The following UEVLD variants were observed in gnomAD, a reference collection of about 807,000 sequenced individuals.
UEVLD encodes the protein ubiquitin-conjugating enzyme E2 variant 3.
In UEVLD, 47 loss-of-function variants were observed where a neutral mutation model predicts 58.6. The observed-to-expected ratio is 0.80, with a 90% confidence interval of 0.63 to 1.02. The LOEUF (loss-of-function observed/expected upper bound fraction) is 1.02, where lower values mean the gene tolerates loss of function less well. UEVLD is among the 50% of genes least tolerant of loss of function. The pLI, the probability that UEVLD is intolerant of heterozygous loss-of-function variation, is 0.00. For synonymous variants in UEVLD, 197 were observed against 195.3 expected, an observed-to-expected ratio of 1.01 and a Z score of -0.07; for missense variants, 510 against 550.6, an observed-to-expected ratio of 0.93 and a Z score of 0.74.
intron 6 of UEVLD, among the ~76,000 whole-genome samples, chr11:18,559,339 C>T (rs965277713): frequency 2.6e-5 from 4 of 152,118 alleles, no homozygotes; most frequent in Non-Finnish European, 5.9e-5. Flanking sequence ...GCTGGGATTA[C>T]AGGCGTGCAC....
At chr11:18,574,083 A>C (rs1291361626) in intron 3 of UEVLD, among the ~76,000 whole-genome samples, 1 of 152,222 alleles carries the variant, frequency 6.6e-6, no homozygotes, top group Non-Finnish European at 1.5e-5. Flanking sequence ...CTTTAAGCAC[A>C]TAACTGTATA....
chr11:18,532,579 C>A, intron 11 of UEVLD, 92 bp from the exon 12 acceptor site: 2 of 1,101,074 alleles, frequency 1.8e-6, no homozygotes, highest in Non-Finnish European at 2.4e-6. Flanking sequence ...TTAACTAGGA[C>A]AAAGTGATAC....
At chr11:18,553,302 T>C (rs1395341047) in intron 7 of UEVLD, among the ~76,000 whole-genome samples, 3 of 148,268 alleles carry the variant, frequency 2.0e-5, no homozygotes, top group Non-Finnish European at 4.5e-5. Context: ...CTCCAGCCTG[T>C]GCATCAGAGC....
chr11:18,577,223 A>G (rs1304842997), intron 2 of UEVLD, among the ~76,000 whole-genome samples: 4 of 152,212 alleles, frequency 2.6e-5, no homozygotes, highest in Non-Finnish European at 5.9e-5. Context: ...TCTCCCGCAA[A>G]AACAAACCAA....
In UEVLD at chr11:18,551,766, A is replaced by G. The variant is rs1851540345; in HGVS notation, c.716-4716T>C. Among the ~76,000 whole-genome samples the G allele has an allele frequency of 2.0e-5, 3 of 152,336 alleles. No homozygotes were observed. In the South Asian group the frequency reaches 6.2e-4, roughly 32 times the overall value. Reference sequence around the variant, plus strand: ...TTCTATAGGTAGCCCAGAAAAAACTATATCCTTCCTGCTAAGCCAAGGTCT... The same window carrying G: ...TTCTATAGGTAGCCCAGAAAAAACTGTATCCTTCCTGCTAAGCCAAGGTCT... On this transcript the variant is annotated intron_variant, in intron 7 of 11. Coordinates refer to ENST00000396197, the MANE Select transcript of UEVLD (RefSeq NM_001040697.4).
intron 1 of UEVLD, among the ~76,000 whole-genome samples, chr11:18,585,773 G>A (rs943355601): frequency 1.3e-5 from 2 of 152,036 alleles, no homozygotes; most frequent in Admixed American, 6.6e-5. Flanking sequence ...AAGTAGCTGG[G>A]GTTACAGGTG....
intron 1 of UEVLD, among the ~76,000 whole-genome samples, chr11:18,585,567 A>G (rs895606135): frequency 6.6e-6 from 1 of 151,906 alleles, no homozygotes; most frequent in Admixed American, 6.6e-5. Flanking sequence ...ACTAAATTTT[A>G]CTTGCCGTAG....
At chr11:18,553,063 A>G (rs184157579) in intron 7 of UEVLD, among the ~76,000 whole-genome samples, 5 of 150,640 alleles carry the variant, frequency 3.3e-5, no homozygotes, top group East Asian at 2.0e-4. Context: ...GCTGAGGCAG[A>G]AGAATCACTT....
intron 9 of UEVLD, among the ~76,000 whole-genome samples, chr11:18,542,369 T>C (rs1171751216): frequency 2.0e-5 from 3 of 152,128 alleles, no homozygotes; most frequent in South Asian, 2.1e-4. Context: ...AATGGAGACA[T>C]TCATTACTTG....
chr11:18,548,922 A>G (rs1851408859), intron 7 of UEVLD, among the ~76,000 whole-genome samples: 1 of 152,216 alleles, frequency 6.6e-6, no homozygotes, highest in African/African-American at 2.4e-5. Flanking sequence ...CACAGTAGAT[A>G]CCTGGTGATG....
chr11:18,534,529 T>A, intron 10 of UEVLD, 76 bp from the exon 11 acceptor site: 1 of 1,432,732 alleles, frequency 7.0e-7, no homozygotes, highest in Non-Finnish European at 9.3e-7. Context: ...GCTAAGGTAT[T>A]AATTAGATGT....
chr11:18,564,943 C>T lies in UEVLD; in HGVS notation c.561G>A (p.Val187=), dbSNP rs375033162. The change falls in exon 6 of 12, where the codon GTG becomes GTA. Residue 187 remains valine, a synonymous_variant. Coordinates refer to ENST00000396197, the MANE Select transcript of UEVLD (RefSeq NM_001040697.4). ...HENKTVNKIT[V]VGGGELGIAC... ...CAATACCGAGTTCTCCACCTCCAACCACAGTAATTTTATTGACTGTTTTAT... is the reference window on the plus strand; with the variant it reads ...CAATACCGAGTTCTCCACCTCCAACTACAGTAATTTTATTGACTGTTTTAT... 3.5e-5 allele frequency: 56 copies of T among 1,613,666 alleles called. No individual in the cohort carries two copies. The African/African-American group carries it at 4.9e-4, about 14-fold the overall frequency.
chr11:18,582,605 G>T (rs1171601311), intron 1 of UEVLD, among the ~76,000 whole-genome samples: 1 of 151,908 alleles, frequency 6.6e-6, no homozygotes, highest in Non-Finnish European at 1.5e-5. Flanking sequence ...AAAGGGCTGG[G>T]ATTACAGGTG....
chr11:18,564,662 C>T (rs1852209367), intron 6 of UEVLD, among the ~76,000 whole-genome samples: 1 of 152,008 alleles, frequency 6.6e-6, no homozygotes, highest in South Asian at 2.1e-4. Context: ...TTGAGCTTTC[C>T]CTTGGATGAG....
At chr11:18,549,289 CAG>C (rs1851429313) in intron 7 of UEVLD, among the ~76,000 whole-genome samples, 1 of 152,176 alleles carries the variant, frequency 6.6e-6, no homozygotes, top group Non-Finnish European at 1.5e-5. Flanking sequence ...TATTAGTGGA[CAG>C]TTCAATTTAT....
intron 6 of UEVLD, among the ~76,000 whole-genome samples, chr11:18,559,506 G>T (rs2134007118): frequency 6.6e-6 from 1 of 152,172 alleles, no homozygotes; most frequent in African/African-American, 2.4e-5. Context: ...GCCCCTGCAG[G>T]TTTCTTTTAA....
chr11:18,551,069 T>C (rs994881704), intron 7 of UEVLD, among the ~76,000 whole-genome samples: 1 of 152,250 alleles, frequency 6.6e-6, no homozygotes, highest in South Asian at 2.1e-4. Context: ...AAGAAGATTA[T>C]ACAGTTATAA....
At chr11:18,554,226 G>C (rs1042684232) in intron 7 of UEVLD, among the ~76,000 whole-genome samples, 4 of 151,766 alleles carry the variant, frequency 2.6e-5, no homozygotes, top group Non-Finnish European at 5.9e-5. Context: ...TGAGTAGCTG[G>C]GATTATAGGC....
chr11:18,539,905 G>C (rs1425653648), intron 9 of UEVLD, among the ~76,000 whole-genome samples: 1 of 152,196 alleles, frequency 6.6e-6, no homozygotes, highest in Non-Finnish European at 1.5e-5. Flanking sequence ...ACTTGTCTCT[G>C]AAATACTTGA....
Sources: gnomAD v4.1 joint callset for allele counts (sites outside exome capture counted in the v4.1 genomes callset) on GRCh38, gnomAD v4.1.1 for gene constraint, MANE v1.5 for transcripts, NCBI Gene and HGNC (gene_info 2026-07-23, HGNC 2026-07-21) for gene names.